The following FDFT1 variants were observed in gnomAD, a reference collection of about 807,000 sequenced individuals.
FDFT1 encodes the protein squalene synthase.
Under a neutral mutation model 46.8 loss-of-function variants are expected in FDFT1, and 68 were observed. The observed-to-expected ratio is 1.45, with a 90% CI of 1.19 to 1.78. The LOEUF (loss-of-function observed/expected upper bound fraction) is 1.78, where lower values mean the gene tolerates loss of function less well. FDFT1 is among the 40% of genes most tolerant of loss of function. The pLI is 0.00. For synonymous variants in FDFT1, 351 were observed against 185.1 expected, an observed-to-expected ratio of 1.90 and a Z score of -7.28; for missense variants, 928 against 524.4, an observed-to-expected ratio of 1.77 and a Z score of -7.52.
At chr8:11,833,796 A>T (rs2130892802) in intron 7 of FDFT1, among the ~76,000 whole-genome samples, 1 of 152,200 alleles carries the variant, frequency 6.6e-6, no homozygotes, top group East Asian at 1.9e-4. Flanking sequence ...CTTGAATAAG[A>T]GGTTTGCTGA....
At chr8:11,803,322 A>T (rs939384335) in intron 1 of FDFT1, 3 of 1,296,336 alleles carry the variant, frequency 2.3e-6, no homozygotes, top group Non-Finnish European at 3.0e-6. Flanking sequence ...AACTATGCAG[A>T]TAACATCACA....
intron 1 of FDFT1, chr8:11,803,539 A>C: frequency 1.7e-6 from 2 of 1,164,292 alleles, no homozygotes; most frequent in Non-Finnish European, 1.1e-6. Flanking sequence ...GGTTTTACTT[A>C]GATTTTTATC....
At chr8:11,808,634 C>A (rs1807233189) in intron 1 of FDFT1, 160 bp from the exon 2 acceptor site, 2 of 1,397,534 alleles carry the variant, frequency 1.4e-6, no homozygotes, top group Non-Finnish European at 1.9e-6. Flanking sequence ...GGGGCTGCTG[C>A]TTGCCTCCTG....
intron 2 of FDFT1, chr8:11,809,357 ATTAG>A (rs1585881466): frequency 8.9e-7 from 1 of 1,124,826 alleles, no homozygotes; most frequent in East Asian, 5.5e-5. Flanking sequence ...TTTGCTACAT[ATTAG>A]TTCGGTCTAA....
chr8:11,837,362 T>G (rs1439613209), intron 7 of FDFT1, among the ~76,000 whole-genome samples: 1 of 152,180 alleles, frequency 6.6e-6, no homozygotes, highest in Non-Finnish European at 1.5e-5. Context: ...CCCAAGTAGC[T>G]GGGGGACCAC....
chr8:11,819,010 T>G (rs7008523), intron 3 of FDFT1, among the ~76,000 whole-genome samples: 32,495 of 152,232 alleles, frequency 0.21, 4,518 homozygotes, highest in African/African-American at 0.4. Context: ...CTTTCCATTT[T>G]TACTGCTTCC....
intron 5 of FDFT1, among the ~76,000 whole-genome samples, chr8:11,827,693 A>G (rs2130853215): frequency 6.6e-6 from 1 of 152,308 alleles, no homozygotes; most frequent in South Asian, 2.1e-4. Context: ...CACACAGATG[A>G]TTATTAAAAA....
intron 7 of FDFT1, among the ~76,000 whole-genome samples, chr8:11,832,197 A>C (rs1278110306): frequency 6.6e-6 from 1 of 152,106 alleles, no homozygotes; most frequent in Non-Finnish European, 1.5e-5. Flanking sequence ...AAATACCAAA[A>C]CCATCCTATA....
chr8:11,821,669 C>T (rs775057730), intron 3 of FDFT1, 81 bp from the exon 4 acceptor site: 46 of 1,485,570 alleles, frequency 3.1e-5, no homozygotes, highest in South Asian at 1.7e-4. Flanking sequence ...TGATTAATTC[C>T]GCCATTGTTT....
At chr8:11,804,931 G>T (rs1321823135) in intron 1 of FDFT1, among the ~76,000 whole-genome samples, 9 of 141,886 alleles carry the variant, frequency 6.3e-5, no homozygotes, top group Non-Finnish European at 9.1e-5. Context: ...TTTTTGAGGG[G>T]GGGGTCTCAC....
intron 7 of FDFT1, among the ~76,000 whole-genome samples, chr8:11,834,900 G>A (rs1811328533): frequency 6.6e-6 from 1 of 152,188 alleles, no homozygotes; most frequent in Non-Finnish European, 1.5e-5. Flanking sequence ...GAGGCAGGCA[G>A]ATCACTTGAG....
chr8:11,823,024 G>A (rs776886813), intron 4 of FDFT1, among the ~76,000 whole-genome samples: 3 of 152,020 alleles, frequency 2.0e-5, no homozygotes, highest in Non-Finnish European at 2.9e-5. Context: ...GTGTGATCAC[G>A]GCTCCCCGCA....
At chr8:11,833,065 C>G (rs1179518077) in intron 7 of FDFT1, among the ~76,000 whole-genome samples, 1 of 152,204 alleles carries the variant, frequency 6.6e-6, no homozygotes, top group Non-Finnish European at 1.5e-5. Flanking sequence ...ATGTCCAGAA[C>G]TTCTATCAGA....
chr8:11,800,862 T>G (rs1279309152), upstream of FDFT1, among the ~76,000 whole-genome samples: 1 of 152,204 alleles, frequency 6.6e-6, no homozygotes, highest in Non-Finnish European at 1.5e-5. Context: ...GAAACTAAGT[T>G]TTTAAGATTT....
chr8:11,803,061 T>G (rs1585847402), intron 1 of FDFT1, 130 bp downstream of exon 1: 3 of 1,453,526 alleles, frequency 2.1e-6, no homozygotes, highest in African/African-American at 1.4e-5. Context: ...GGTGTTCCCG[T>G]CCCCCTTTCC....
chr8:11,820,639 C>T (rs1488810833), intron 3 of FDFT1, among the ~76,000 whole-genome samples: 3 of 152,194 alleles, frequency 2.0e-5, no homozygotes, highest in Non-Finnish European at 4.4e-5. Flanking sequence ...GCTTGGCTAG[C>T]AGCAAGCAAG....
Position 11,809,715 on chromosome 8 carries a change from G to A in FDFT1, c.246G>A (p.Leu82=). 6.2e-7 allele frequency: 1 copy of A among 1,614,152 alleles called. No individual in the cohort carries two copies. The highest frequency in any genetic ancestry group is 8.5e-7 in the Non-Finnish European group (1 of 1,180,006). The change falls in exon 3 of 8, where the codon CTG becomes CTA. Residue 82 remains leucine (L), a synonymous_variant. Coordinates refer to ENST00000220584, the MANE Select transcript of FDFT1 (RefSeq NM_004462.5). ...TGGTTCTCCGAGCTCTGGACACACTGGAAGATGACATGACCATCAGTGTGG... is the reference window on the plus strand; with the variant it reads ...TGGTTCTCCGAGCTCTGGACACACTAGAAGATGACATGACCATCAGTGTGG... The part of the protein sequence containing the change: ...FYLVLRALDT[L]EDDMTISVEK...
At chr8:11,835,369 G>A (rs779153051) in intron 7 of FDFT1, among the ~76,000 whole-genome samples, 4 of 152,188 alleles carry the variant, frequency 2.6e-5, no homozygotes, top group South Asian at 2.1e-4. Flanking sequence ...GTAAGTCCAC[G>A]TCTGAGTACC....
At chr8:11,835,039 G>A (rs1175443182) in intron 7 of FDFT1, among the ~76,000 whole-genome samples, 1 of 152,152 alleles carries the variant, frequency 6.6e-6, no homozygotes, top group Non-Finnish European at 1.5e-5. Flanking sequence ...CATGAGCATC[G>A]CTTGAACTCG....
Sources: gnomAD v4.1 joint callset for allele counts (sites outside exome capture counted in the v4.1 genomes callset) on GRCh38, gnomAD v4.1.1 for gene constraint, MANE v1.5 for transcripts, NCBI Gene and HGNC (gene_info 2026-07-23, HGNC 2026-07-21) for gene names.